Variants in MYO5B observed in about 807,000 individuals in gnomAD.
The protein encoded by MYO5B is myosin VB.
A neutral mutation model predicts 229.3 loss-of-function variants in MYO5B; 143 were observed. The ratio of observed to expected loss-of-function variants is 0.62; its 90% CI spans 0.54 to 0.72. The LOEUF is 0.72. Among genes scored for constraint, MYO5B ranks in the 30% least tolerant of loss-of-function variants. The pLI is 0.00. For synonymous variants in MYO5B, 918 were observed against 885.2 expected (o/e 1.04, Z -0.66); for missense variants, 2,321 against 2,331.0 (o/e 1.00, Z 0.09).
In MYO5B at chr18:49,864,317, C is replaced by T. The variant is rs773812634; in HGVS notation, c.3667G>A (p.Val1223Met). 14 of 1,614,002 alleles carry T rather than the reference C, an allele frequency of 8.7e-6. No homozygotes were observed. The highest frequency in any genetic ancestry group is 1.6e-4 in the Middle Eastern group (1 of 6,084). ...TTATTCTGCGTGGCTTGGTCGGCCA[C>T]GGCTTTCCTCAGCTCATTCAGGTCA... is the stretch of plus-strand genomic sequence containing the variant. ...KNDLNELRKA[V>M]ADQATQNNSS... Residue 1223 changes from valine (V) to methionine (M), a missense_variant, in exon 28 of 40, where the codon GTG becomes ATG. Coordinates refer to ENST00000285039, the MANE Select transcript of MYO5B (RefSeq NM_001080467.3).
intron 1 of MYO5B, among the ~76,000 whole-genome samples, chr18:50,086,887 C>T (rs1204083565): frequency 6.6e-6 from 1 of 152,114 alleles, no homozygotes; most frequent in Non-Finnish European, 1.5e-5. Flanking sequence ...TCTTGTGCCA[C>T]TACATATAGT....
chr18:49,861,708 T>C (rs1056110707), intron 29 of MYO5B, among the ~76,000 whole-genome samples: 15 of 152,164 alleles, frequency 9.9e-5, no homozygotes, highest in Non-Finnish European at 2.1e-4. Flanking sequence ...CTACCTTGAC[T>C]CAGGCACAGG....
intron 12 of MYO5B, among the ~76,000 whole-genome samples, chr18:49,960,923 T>C (rs145764049): frequency 1.4e-4 from 21 of 152,326 alleles, no homozygotes; most frequent in African/African-American, 4.3e-4. Flanking sequence ...CCTTGAGTAC[T>C]GGCCCCAGGG....
At chr18:49,937,632 C>T (rs2025266155) in intron 14 of MYO5B, among the ~76,000 whole-genome samples, 1 of 152,104 alleles carries the variant, frequency 6.6e-6, no homozygotes, top group South Asian at 2.1e-4. Context: ...ATGGATTATT[C>T]AACATTATTA....
At chr18:49,928,946 A>G (rs994096409) in intron 17 of MYO5B, among the ~76,000 whole-genome samples, 3 of 152,186 alleles carry the variant, frequency 2.0e-5, no homozygotes, top group Admixed American at 2.0e-4. Context: ...GAACGATACA[A>G]TGAACTTTGA....
chr18:50,057,621 G>T (rs558086568), intron 1 of MYO5B, among the ~76,000 whole-genome samples: 1 of 152,120 alleles, frequency 6.6e-6, no homozygotes, highest in East Asian at 1.9e-4. Flanking sequence ...TTATTCTAGG[G>T]GAGTTCATGT....
chr18:49,850,378 A>T (rs1298351090), intron 31 of MYO5B: 1 of 153,292 alleles, frequency 6.5e-6, no homozygotes, highest in Non-Finnish European at 1.5e-5. Context: ...GCCTCTACAA[A>T]CACATTGGGT....
At chr18:50,043,430 AAT>A (rs1316913356) in intron 2 of MYO5B, among the ~76,000 whole-genome samples, 2 of 113,160 alleles carry the variant, frequency 1.8e-5, no homozygotes, top group Non-Finnish European at 3.3e-5. Flanking sequence ...AATATATTTA[AAT>A]ATATTAAATA....
intron 2 of MYO5B, among the ~76,000 whole-genome samples, chr18:50,046,869 GA>G (rs2144403186): frequency 6.6e-6 from 1 of 152,240 alleles, no homozygotes; most frequent in African/African-American, 2.4e-5. Context: ...ATGGTGCTGG[GA>G]AAACTGGCTA....
At chr18:50,008,495 C>T (rs754039130) in intron 4 of MYO5B, among the ~76,000 whole-genome samples, 6 of 152,182 alleles carry the variant, frequency 3.9e-5, no homozygotes, top group Non-Finnish European at 8.8e-5. Flanking sequence ...GTCGTCCCTG[C>T]CCTATGCTCA....
At chr18:49,853,690 G>C (rs776416982) in intron 30 of MYO5B, 43 bp from the exon 31 acceptor site, 1 of 1,587,264 alleles carries the variant, frequency 6.3e-7, no homozygotes, top group East Asian at 2.3e-5. Flanking sequence ...CCCAGGCCAG[G>C]GCCCCCATCT....
At chr18:50,009,836 G>A (rs1174743710) in intron 4 of MYO5B, among the ~76,000 whole-genome samples, 1 of 152,234 alleles carries the variant, frequency 6.6e-6, no homozygotes, top group Non-Finnish European at 1.5e-5. Flanking sequence ...AGGCCTGAAA[G>A]TGGGAAGGAG....
rs141766184 is a variant in MYO5B, at chr18:50,135,386, G to C, written c.27+59381C>G. ...GATATCAATTATGTAATGATGAAAG[G>C]AGAATGGATAATCCAACATGTCAAG... is the stretch of plus-strand genomic sequence containing the variant. On this transcript the variant is annotated intron_variant, in intron 1 of 39. Transcript: ENST00000285039. Among the ~76,000 whole-genome samples the C allele has an allele frequency of 3.9e-5, 6 of 152,308 alleles. No homozygotes were observed. The East Asian group carries it at 1.2e-3, about 29-fold the overall frequency.
At chr18:50,153,688 G>T (rs937127739) in intron 1 of MYO5B, among the ~76,000 whole-genome samples, 4 of 152,194 alleles carry the variant, frequency 2.6e-5, no homozygotes. Context: ...GACCTCTAGT[G>T]ATCTGCCCGC....
At chr18:50,054,919 A>C (rs576753669) in intron 2 of MYO5B, among the ~76,000 whole-genome samples, 2 of 152,260 alleles carry the variant, frequency 1.3e-5, no homozygotes, top group South Asian at 2.1e-4. Context: ...GCTGGCTCCA[A>C]CCACTGTGCC....
chr18:50,030,876 G>GAAAAAAAA lies in MYO5B; in HGVS notation c.455+5966_455+5973dup. On this transcript the variant is annotated intron_variant, in intron 4 of 39. Coordinates refer to ENST00000285039, the MANE Select transcript of MYO5B (RefSeq NM_001080467.3). ...TCTGCAGCATCCCCACTCCCTTTCA[G>GAAAAAAAA]AAAAAAAAAAAAAAAAAAAAAAAAA... is the stretch of plus-strand genomic sequence containing the variant. Among the ~76,000 whole-genome samples, 2 of 30,500 alleles carry GAAAAAAAA rather than the reference G, an allele frequency of 6.6e-5. 1 individual carries two copies. The highest frequency in any genetic ancestry group is 1.2e-4 in the Non-Finnish European group (2 of 17,216). The allele number at this position is 30,500 out of a possible 152,430, so 20.0% of individuals were successfully genotyped here.
Position 50,171,933 on chromosome 18 carries a change from C to T in MYO5B, c.27+22834G>A, listed in dbSNP as rs2032924421. On this transcript the variant is annotated intron_variant, in intron 1 of 39. Coordinates refer to ENST00000285039, the MANE Select transcript of MYO5B (RefSeq NM_001080467.3). ...AAATCTGCAGCAATGGATCTTCTTC[C>T]TTGTGCCTATTTACTAAAAGACATA... is the stretch of plus-strand genomic sequence containing the variant. Among the ~76,000 whole-genome samples, 2 of 68,978 alleles carry T rather than the reference C, an allele frequency of 2.9e-5. 1 individual carries two copies. The highest frequency in any genetic ancestry group is 6.0e-5 in the Non-Finnish European group (2 of 33,610). 45.3% of individuals were successfully genotyped at this position (68,978 alleles called of 152,430 possible). A position where few individuals can be genotyped will look rare whatever the true frequency, so the allele number is the denominator to read the frequency against.
intron 1 of MYO5B, among the ~76,000 whole-genome samples, chr18:50,117,549 G>C (rs1568113448): frequency 6.6e-6 from 1 of 151,908 alleles, no homozygotes; most frequent in East Asian, 1.9e-4. Context: ...CCTCTCTAGA[G>C]GAAAAACTTG....
chr18:49,843,213 A>G, intron 34 of MYO5B, 28 bp downstream of exon 34: 1 of 1,612,708 alleles, frequency 6.2e-7, no homozygotes, highest in Non-Finnish European at 8.5e-7. Flanking sequence ...CCCACCACAA[A>G]CCATGACCTT....
Sources: gnomAD v4.1 joint callset for allele counts (sites outside exome capture counted in the v4.1 genomes callset) on GRCh38, gnomAD v4.1.1 for gene constraint, MANE v1.5 for transcripts, NCBI Gene and HGNC (gene_info 2026-07-23, HGNC 2026-07-21) for gene names.